Variants in IL12RB2 observed in about 807,000 individuals in gnomAD.
IL12RB2 encodes the protein interleukin 12 receptor subunit beta 2, also known as interleukin-12 receptor subunit beta-2.
In IL12RB2, 82 loss-of-function variants were observed where a neutral mutation model predicts 89.4. The ratio of observed to expected loss-of-function variants is 0.92; its 90% CI spans 0.77 to 1.10. The LOEUF (loss-of-function observed/expected upper bound fraction) is 1.10. Ranked by LOEUF, IL12RB2 falls within the 50% of genes least tolerant of loss-of-function variation. The probability of loss-of-function intolerance (pLI) is 0.00; values close to 1 mark genes in which losing one functional copy is unlikely to be tolerated. For missense variants in IL12RB2, 963 were observed against 1,031.9 expected (o/e 0.93, Z 0.92); for synonymous variants, 368 against 370.1 (o/e 0.99, Z 0.07).
chr1:67,356,594 A>G (rs1661421608), intron 10 of IL12RB2, among the ~76,000 whole-genome samples: 1 of 152,206 alleles, frequency 6.6e-6, no homozygotes, highest in Admixed American at 6.5e-5. Flanking sequence ...AGGTACAAGT[A>G]TGCCTAAGGG....
chr1:67,338,066 C>T (rs767399678), intron 8 of IL12RB2, among the ~76,000 whole-genome samples: 1 of 151,564 alleles, frequency 6.6e-6, no homozygotes, highest in Non-Finnish European at 1.5e-5. Flanking sequence ...GTGGCTCATG[C>T]CTATGTAATC....
intron 14 of IL12RB2, among the ~76,000 whole-genome samples, chr1:67,382,157 G>C (rs1228027484): frequency 1.3e-5 from 2 of 152,184 alleles, no homozygotes; most frequent in African/African-American, 4.8e-5. Context: ...CAAGGTGGGA[G>C]GATTGATTGA....
chr1:67,341,535 G>GAAAA (rs67636406), intron 9 of IL12RB2, among the ~76,000 whole-genome samples: 2 of 36,850 alleles, frequency 5.4e-5, no homozygotes, highest in East Asian at 2.3e-3. Flanking sequence ...GAAAGAGAAA[G>GAAAA]AAAGAAAGAA....
chr1:67,321,609 C>A lies in IL12RB2; in HGVS notation c.84C>A (p.Cys28Ter). Residue 28 changes from cysteine (C) to a stop codon, truncating the protein, a stop_gained, in exon 4 of 17, where the codon TGC becomes TGA. Transcript: ENST00000674203. LOFTEE classifies it high-confidence loss of function. ...ATCTGTATCTTATTGCAGATGCGTGCAAGAGAGGCGATGTGACTGTGAAGC... is the reference window on the plus strand; with the variant it reads ...ATCTGTATCTTATTGCAGATGCGTGAAAGAGAGGCGATGTGACTGTGAAGC... Reference protein sequence around the residue: ...WLLIKAKIDACKRGDVTVKPS... With the variant: ...WLLIKAKIDA 6.3e-7 allele frequency: 1 copy of A among 1,596,572 alleles called. No individual in the cohort carries two copies. Among genetic ancestry groups the A allele is most frequent in the Non-Finnish European group, 8.6e-7 (1 of 1,164,316 alleles).
intron 3 of IL12RB2, among the ~76,000 whole-genome samples, chr1:67,320,890 G>GC (rs1229903336): frequency 3.8e-4 from 16 of 41,658 alleles, no homozygotes; most frequent in African/African-American, 1.2e-3. Context: ...CCCTCCCCCA[G>GC]CCCCCACCCC....
chr1:67,351,483 C>A (rs1660832924), intron 10 of IL12RB2, among the ~76,000 whole-genome samples: 1 of 152,130 alleles, frequency 6.6e-6, no homozygotes, highest in Admixed American at 6.6e-5. Context: ...AAACATTTTA[C>A]ACCTAAAGTC....
rs189164324 is a variant in IL12RB2, at chr1:67,398,098, T to C, written c.*2009T>C. Among the ~76,000 whole-genome samples the C allele has an allele frequency of 2.6e-5, 4 of 152,288 alleles. No individual in the cohort carries two copies. The highest frequency in any genetic ancestry group is 9.6e-5 in the African/African-American group (4 of 41,572). ...TTTTGAAAAGTTCCTTCGTTTCTATTTCTATTCCACTCTATTTAGCTATTA... is the reference window on the plus strand; with the variant it reads ...TTTTGAAAAGTTCCTTCGTTTCTATCTCTATTCCACTCTATTTAGCTATTA... On this transcript the variant is annotated 3_prime_UTR_variant, in exon 17 of 17. Transcript: ENST00000674203.
intron 9 of IL12RB2, among the ~76,000 whole-genome samples, chr1:67,350,092 A>G (rs1344582640): frequency 6.6e-6 from 1 of 152,196 alleles, no homozygotes; most frequent in Non-Finnish European, 1.5e-5. Flanking sequence ...GTAGCACTTG[A>G]ATCTGGTGAG....
chr1:67,369,825 C>A (rs1442484260), intron 11 of IL12RB2, among the ~76,000 whole-genome samples: 4 of 151,968 alleles, frequency 2.6e-5, no homozygotes, highest in Admixed American at 2.6e-4. Flanking sequence ...AGTTCAAGAC[C>A]AGCCTGGCCA....
chr1:67,356,248 C>T (rs962830166), intron 10 of IL12RB2, among the ~76,000 whole-genome samples: 1 of 152,188 alleles, frequency 6.6e-6, no homozygotes, highest in Non-Finnish European at 1.5e-5. Context: ...GGCTGAGTTC[C>T]CCCTCTGGGG....
At chr1:67,371,847 G>A (rs556876611) in intron 11 of IL12RB2, among the ~76,000 whole-genome samples, 75 of 152,260 alleles carry the variant, frequency 4.9e-4, no homozygotes, top group Admixed American at 1.3e-3. Flanking sequence ...ACAAGGGGTC[G>A]GATTGCACCC....
At chr1:67,387,481 T>C (rs1570205075) in intron 15 of IL12RB2, among the ~76,000 whole-genome samples, 2 of 151,154 alleles carry the variant, frequency 1.3e-5, no homozygotes, top group East Asian at 4.0e-4. Context: ...GGCGGGCGGA[T>C]CACCAGGTCA....
intron 8 of IL12RB2, among the ~76,000 whole-genome samples, chr1:67,331,894 T>A (rs181291033): frequency 6.6e-5 from 10 of 152,300 alleles, no homozygotes; most frequent in Non-Finnish European, 1.3e-4. Flanking sequence ...GTAGAGAGTC[T>A]TTCATAATTT....
At chr1:67,365,743 C>A (rs1019708689) in intron 10 of IL12RB2, among the ~76,000 whole-genome samples, 1 of 151,916 alleles carries the variant, frequency 6.6e-6, no homozygotes. Context: ...GAAAAAAAAA[C>A]CTTTTGTTGG....
chr1:67,381,490 A>G (rs1179995490), intron 14 of IL12RB2, among the ~76,000 whole-genome samples: 1 of 152,166 alleles, frequency 6.6e-6, no homozygotes, highest in Non-Finnish European at 1.5e-5. Flanking sequence ...GCAGCTGGGC[A>G]CGGTAGCTCG....
chr1:67,308,281 C>G (rs1300172523), intron 1 of IL12RB2, among the ~76,000 whole-genome samples: 1 of 151,834 alleles, frequency 6.6e-6, no homozygotes, highest in Non-Finnish European at 1.5e-5. Context: ...GGCCGGGGCA[C>G]AGAGTGGTGG....
intron 13 of IL12RB2, among the ~76,000 whole-genome samples, chr1:67,375,566 C>T (rs773784737): frequency 6.6e-6 from 1 of 152,126 alleles, no homozygotes; most frequent in Non-Finnish European, 1.5e-5. Flanking sequence ...AAAGGCAAAG[C>T]AGGAAGGTGT....
At position 67,380,261 on chromosome 1, in the gene IL12RB2, T is replaced by A. The variant is rs1054651842; in HGVS notation, c.1855+138T>A. ...TCTTGCTGTCACTTTACACTTGCTG[T>A]TTCTCCTAAATAGAATGCTTTACCA... On this transcript the variant is annotated intron_variant, in intron 14 of 16. Coordinates refer to ENST00000674203, the MANE Select transcript of IL12RB2 (RefSeq NM_001374259.2). The A allele has an allele frequency of 6.4e-5, 54 of 841,788 alleles. No individual in the cohort carries two copies. The African/African-American group carries it at 8.6e-4, about 13-fold the overall frequency. The allele number at this position is 841,788 out of a possible 1,614,324, so 52.1% of individuals were successfully genotyped here.
rs1666331870 is a variant in IL12RB2 at position 67,395,952 on chromosome 1, T to C, written c.2452T>C (p.Ser818Pro). 6.2e-7 allele frequency: 1 copy of C among 1,611,498 alleles called. No individual in the cohort carries two copies. The highest frequency in any genetic ancestry group is 8.5e-7 in the Non-Finnish European group (1 of 1,177,548). Residue 818 changes from serine to proline, a missense_variant, in exon 17 of 17, where the codon TCT (serine) becomes CCT (proline). Ser to Pro is a moderately conservative substitution (Grantham distance 74, BLOSUM62 -1). Transcript: ENST00000674203. Reference protein sequence around the residue: ...LPSHEAPLADSLEELEPQHIS... With the variant: ...LPSHEAPLADPLEELEPQHIS... ...CTCACATGAGGCACCTCTCGCTGAC[T>C]CTCTGGAAGAACTGGAGCCTCAGCA...
Sources: gnomAD v4.1 joint callset for allele counts (sites outside exome capture counted in the v4.1 genomes callset) on GRCh38, gnomAD v4.1.1 for gene constraint, MANE v1.5 for transcripts, NCBI Gene and HGNC (gene_info 2026-07-23, HGNC 2026-07-21) for gene names.